RNF180: variants seen among roughly 807,000 people sequenced by gnomAD.
The protein encoded by RNF180 is ring finger protein 180, also known as E3 ubiquitin-protein ligase RNF180.
RNF180 carries 38 observed loss-of-function variants against 59.2 expected under a neutral mutation model. The observed-to-expected ratio is 0.64, with a 90% CI of 0.50 to 0.84. The LOEUF (loss-of-function observed/expected upper bound fraction) is 0.84. Ranked by LOEUF, RNF180 falls within the 40% of genes least tolerant of loss-of-function variation. RNF180 has a pLI of 0.00. For synonymous variants in RNF180, 262 were observed against 240.3 expected, an observed-to-expected ratio of 1.09 and a Z score of -0.84; for missense variants, 705 against 700.9, an observed-to-expected ratio of 1.01 and a Z score of -0.07.
At chr5:64,181,296 C>T (rs1750569706) in intron 1 of RNF180, among the ~76,000 whole-genome samples, 1 of 152,200 alleles carries the variant, frequency 6.6e-6, no homozygotes, top group Non-Finnish European at 1.5e-5. Flanking sequence ...TTGCATCCTA[C>T]AATCCAATCA....
chr5:64,362,312 C>G (rs966800603), intron 7 of RNF180, among the ~76,000 whole-genome samples: 2 of 151,784 alleles, frequency 1.3e-5, no homozygotes, highest in Non-Finnish European at 2.9e-5. Context: ...TCATTTAGCT[C>G]TCACTTATAA....
intron 7 of RNF180, among the ~76,000 whole-genome samples, chr5:64,332,056 G>A (rs2112541454): frequency 6.6e-6 from 1 of 152,280 alleles, no homozygotes; most frequent in South Asian, 2.1e-4. Flanking sequence ...CCTCACGCTT[G>A]CTCAACCACA....
chr5:64,248,395 T>A lies in RNF180; in HGVS notation c.1227+30999T>A, dbSNP rs537680518. On this transcript the variant is annotated intron_variant, in intron 5 of 7. Coordinates refer to ENST00000389100, the MANE Select transcript of RNF180 (RefSeq NM_001113561.2). ...CTAATACCCAGAATCTACAAAGAAC[T>A]TGAACAAATTTACAAGAAAAAAACA... is the stretch of plus-strand genomic sequence containing the variant. Among the ~76,000 whole-genome samples the A allele has an allele frequency of 2.6e-5, 4 of 152,230 alleles. No individual in the cohort carries two copies. The South Asian group carries it at 8.3e-4, about 32-fold the overall frequency.
chr5:64,274,340 C>T (rs1003852740), intron 5 of RNF180, among the ~76,000 whole-genome samples: 2 of 151,548 alleles, frequency 1.3e-5, no homozygotes, highest in African/African-American at 2.4e-5. Flanking sequence ...TCTCTTAACA[C>T]GCTCATTTTT....
intron 7 of RNF180, among the ~76,000 whole-genome samples, chr5:64,357,185 T>A (rs1402258826): frequency 6.6e-6 from 1 of 151,852 alleles, no homozygotes; most frequent in Non-Finnish European, 1.5e-5. Context: ...TAATACTTTT[T>A]ACTCTAGGAG....
intron 5 of RNF180, among the ~76,000 whole-genome samples, chr5:64,308,504 T>A (rs943833965): frequency 1.3e-5 from 2 of 151,766 alleles, no homozygotes; most frequent in Admixed American, 6.6e-5. Flanking sequence ...TATTGATTAT[T>A]TCACAAAAGT....
intron 2 of RNF180, among the ~76,000 whole-genome samples, chr5:64,209,562 A>G (rs1752199221): frequency 1.3e-5 from 2 of 152,064 alleles, no homozygotes; most frequent in South Asian, 2.1e-4. Flanking sequence ...ATAAATATTG[A>G]TAGGCTGAGT....
intron 1 of RNF180, among the ~76,000 whole-genome samples, chr5:64,198,132 C>A (rs1751547642): frequency 6.6e-6 from 1 of 152,060 alleles, no homozygotes; most frequent in South Asian, 2.1e-4. Context: ...AATACATTTT[C>A]CTTAACTCGG....
At position 64,335,455 on chromosome 5, in the gene RNF180, AT is replaced by A. The variant is rs901332778; in HGVS notation, c.1579+5059del. ...AGATCTTTGAAACTGATTTGTGTTAATTTTTTTTTTATTGATTTACTTTCTT... is the reference window on the plus strand; with the variant it reads ...AGATCTTTGAAACTGATTTGTGTTAATTTTTTTTTATTGATTTACTTTCTT... On this transcript the variant is annotated intron_variant, in intron 7 of 7. Coordinates refer to ENST00000389100, the MANE Select transcript of RNF180 (RefSeq NM_001113561.2). 5.0e-4 allele frequency among the ~76,000 whole-genome samples: 74 copies of A among 148,940 alleles called. 2 individuals are homozygous for A. Among genetic ancestry groups the A allele is most frequent in the Middle Eastern group, 6.9e-3 (2 of 288 alleles).
At chr5:64,200,095 A>C (rs1413650250) in intron 1 of RNF180, among the ~76,000 whole-genome samples, 2 of 152,144 alleles carry the variant, frequency 1.3e-5, no homozygotes, top group South Asian at 2.1e-4. Flanking sequence ...TATTCAAAAC[A>C]TGCTACTTAT....
At chr5:64,204,285 C>T (rs1346518815) in intron 2 of RNF180, among the ~76,000 whole-genome samples, 2 of 152,158 alleles carry the variant, frequency 1.3e-5, no homozygotes, top group African/African-American at 4.8e-5. Flanking sequence ...ATCAGTGCTA[C>T]TGTGAACTTT....
intron 5 of RNF180, among the ~76,000 whole-genome samples, chr5:64,229,184 C>T (rs998784533): frequency 1.4e-4 from 21 of 152,116 alleles, no homozygotes; most frequent in Non-Finnish European, 2.9e-4. Context: ...CTCAGCCTCC[C>T]AAAGTGCTGG....
At chr5:64,228,581 G>T (rs957754773) in intron 5 of RNF180, among the ~76,000 whole-genome samples, 5 of 152,228 alleles carry the variant, frequency 3.3e-5, no homozygotes, top group African/African-American at 9.6e-5. Flanking sequence ...ATGTAATCTG[G>T]AATGCTATTA....
At chr5:64,311,560 C>T (rs1325137365) in intron 5 of RNF180, among the ~76,000 whole-genome samples, 2 of 151,936 alleles carry the variant, frequency 1.3e-5, no homozygotes, top group Non-Finnish European at 2.9e-5. Context: ...ACCAAACTAC[C>T]TTCCTGTTTC....
At chr5:64,190,597 C>G (rs1751096572) in intron 1 of RNF180, among the ~76,000 whole-genome samples, 1 of 152,122 alleles carries the variant, frequency 6.6e-6, no homozygotes, top group South Asian at 2.1e-4. Context: ...ATTGTGTCCT[C>G]TCCCCTAAAT....
At chr5:64,254,665 A>G (rs1289151030) in intron 5 of RNF180, among the ~76,000 whole-genome samples, 2 of 152,158 alleles carry the variant, frequency 1.3e-5, no homozygotes, top group East Asian at 3.8e-4. Flanking sequence ...CTTTTTATAT[A>G]ATCTTTTTAT....
At chr5:64,219,087 A>C (rs1179672754) in intron 5 of RNF180, among the ~76,000 whole-genome samples, 1 of 152,190 alleles carries the variant, frequency 6.6e-6, no homozygotes, top group Non-Finnish European at 1.5e-5. Context: ...TTAGCATGAA[A>C]GCATTCATTC....
chr5:64,253,317 G>A (rs930654520), intron 5 of RNF180, among the ~76,000 whole-genome samples: 1 of 152,082 alleles, frequency 6.6e-6, no homozygotes, highest in Non-Finnish European at 1.5e-5. Flanking sequence ...GAAGAAATTT[G>A]TTAGCTGAGC....
chr5:64,242,124 A>T (rs1332575414), intron 5 of RNF180, among the ~76,000 whole-genome samples: 1 of 152,166 alleles, frequency 6.6e-6, no homozygotes. Context: ...TGCTGTTTAC[A>T]TCTGTCCTGG....
Sources: allele counts gnomAD v4.1 joint callset (sites outside exome capture counted in the v4.1 genomes callset), GRCh38; gene constraint gnomAD v4.1.1; transcripts MANE v1.5; gene names NCBI Gene and HGNC (gene_info 2026-07-23, HGNC 2026-07-21).